The following PPP1R13B variants were observed in gnomAD, a reference collection of about 807,000 sequenced individuals.
The protein encoded by PPP1R13B is apoptosis-stimulating of p53 protein 1.
Under a neutral mutation model 119.8 loss-of-function variants are expected in PPP1R13B, and 44 were observed. The ratio of observed to expected loss-of-function variants is 0.37; its 90% CI spans 0.29 to 0.47. PPP1R13B has a LOEUF of 0.47. Ranked by LOEUF, PPP1R13B falls within the 20% of genes least tolerant of loss-of-function variation. The pLI is 0.99. For missense variants in PPP1R13B, 1,227 were observed against 1,413.5 expected, an observed-to-expected ratio of 0.87 and a Z score of 2.12; for synonymous variants, 542 against 561.5, an observed-to-expected ratio of 0.97 and a Z score of 0.49.
intron 1 of PPP1R13B, among the ~76,000 whole-genome samples, chr14:103,844,857 T>C (rs1317470680): frequency 6.6e-6 from 1 of 152,228 alleles, no homozygotes; most frequent in East Asian, 1.9e-4. Flanking sequence ...TACTGAGCAC[T>C]GGAAATGTGC....
intron 1 of PPP1R13B, among the ~76,000 whole-genome samples, chr14:103,810,154 A>T (rs1311791424): frequency 6.6e-6 from 1 of 151,810 alleles, no homozygotes; most frequent in African/African-American, 2.4e-5. Flanking sequence ...CCAGGCGTGG[A>T]GGCTCATGCC....
intron 8 of PPP1R13B, chr14:103,747,510 G>A (rs1355679844): frequency 6.6e-6 from 1 of 151,292 alleles, no homozygotes; most frequent in African/African-American, 2.4e-5. Flanking sequence ...TTTTCCAGAT[G>A]AGATTAACTT....
chr14:103,763,474 AC>A (rs1280855165), intron 4 of PPP1R13B, among the ~76,000 whole-genome samples: 1 of 151,324 alleles, frequency 6.6e-6, no homozygotes, highest in Non-Finnish European at 1.5e-5. Flanking sequence ...TTTTATTTTA[AC>A]CTTTTCTTCA....
At chr14:103,798,776 C>G (rs536260211) in intron 1 of PPP1R13B, among the ~76,000 whole-genome samples, 1 of 152,026 alleles carries the variant, frequency 6.6e-6, no homozygotes, top group Non-Finnish European at 1.5e-5. Context: ...GATCTCAGCT[C>G]ACTGCAACTT....
At chr14:103,786,829 A>G (rs906551882) in intron 2 of PPP1R13B, among the ~76,000 whole-genome samples, 10 of 149,278 alleles carry the variant, frequency 6.7e-5, no homozygotes, top group African/African-American at 2.2e-4. Flanking sequence ...CCAGCTACTC[A>G]GGAGGCTGAG....
chr14:103,772,867 A>G (rs1347473394), intron 4 of PPP1R13B, among the ~76,000 whole-genome samples: 2 of 152,054 alleles, frequency 1.3e-5, no homozygotes, highest in Non-Finnish European at 2.9e-5. Context: ...GGGTTTCGCC[A>G]TGTTGGCCAG....
intron 1 of PPP1R13B, among the ~76,000 whole-genome samples, chr14:103,818,870 A>C (rs2086338732): frequency 6.6e-6 from 1 of 152,234 alleles, no homozygotes; most frequent in African/African-American, 2.4e-5. Context: ...CAAAAAATAT[A>C]GTATACTAGG....
intron 1 of PPP1R13B, among the ~76,000 whole-genome samples, chr14:103,817,288 G>A (rs1226833571): frequency 6.6e-6 from 1 of 152,002 alleles, no homozygotes; most frequent in Admixed American, 6.6e-5. Context: ...CACCTAATTA[G>A]GTGAGCTCCA....
Position 103,788,085 on chromosome 14 carries a change from C to A in PPP1R13B, c.158-3171G>T, listed in dbSNP as rs1022801626. On this transcript the variant is annotated intron_variant, in intron 2 of 16. Transcript: ENST00000202556. Reference sequence around the variant, plus strand: ...CCATGACTGCACAATGCACTCCAGCCTGGGTGACAGAGCAAGACCCTGTCT... The same window carrying A: ...CCATGACTGCACAATGCACTCCAGCATGGGTGACAGAGCAAGACCCTGTCT... Among the ~76,000 whole-genome samples, 4 of 151,436 alleles carry A rather than the reference C, an allele frequency of 2.6e-5. No individual in the cohort carries two copies. In the East Asian group the frequency reaches 7.8e-4, roughly 30 times the overall value.
Position 103,754,104 on chromosome 14 carries a change from T to C in PPP1R13B, c.597A>G (p.Gln199=). The change falls in exon 6 of 17, where the codon CAA becomes CAG. Residue 199 remains glutamine, a synonymous_variant. Coordinates refer to ENST00000202556, the MANE Select transcript of PPP1R13B (RefSeq NM_015316.3). The part of the protein sequence containing the change: ...KLKKIRAMRG[Q]VDYSKIMNGN... ...CGTTCATGATTTTGCTGTAGTCGAC[T>C]TGTCCTCTCATTGCACGAATTTTCT... is the stretch of plus-strand genomic sequence containing the variant. The C allele has an allele frequency of 6.2e-7, 1 of 1,614,068 alleles. No homozygotes were observed. Among genetic ancestry groups the C allele is most frequent in the Non-Finnish European group, 8.5e-7 (1 of 1,180,008 alleles).
At chr14:103,749,649 T>C (rs1404523212) in intron 8 of PPP1R13B, 145 bp downstream of exon 8, 6 of 840,886 alleles carry the variant, frequency 7.1e-6, no homozygotes, top group African/African-American at 3.5e-5. Context: ...GAAGGAACTC[T>C]GTTCTGTCAT....
At chr14:103,830,135 A>AC (rs1258741009) in intron 1 of PPP1R13B, among the ~76,000 whole-genome samples, 8 of 142,074 alleles carry the variant, frequency 5.6e-5, no homozygotes, top group Admixed American at 5.6e-4. Context: ...CACTCTTGTC[A>AC]CCCAGGCTGG....
chr14:103,738,825 G>A lies in PPP1R13B; in HGVS notation c.2731-13C>T, dbSNP rs1567080690. Reference sequence around the variant, plus strand: ...TGGGATCTTCCACCTAGGACACACGGCCTGTGAGCGCCCATCCCCTCGCCC... The same window carrying A: ...TGGGATCTTCCACCTAGGACACACGACCTGTGAGCGCCCATCCCCTCGCCC... On this transcript the variant is annotated splice_polypyrimidine_tract_variant and intron_variant, in intron 13 of 16. Coordinates refer to ENST00000202556, the MANE Select transcript of PPP1R13B (RefSeq NM_015316.3). This position sits in a 1 kb window ranked among gnomAD's most constrained non-coding sequence, Gnocchi z 5.6. 6.2e-7 allele frequency: 1 copy of A among 1,613,824 alleles called. No individual in the cohort carries two copies. Among genetic ancestry groups the A allele is most frequent in the Non-Finnish European group, 8.5e-7 (1 of 1,179,820 alleles).
At chr14:103,752,695 C>G (rs989994968) in intron 7 of PPP1R13B, among the ~76,000 whole-genome samples, 1 of 152,022 alleles carries the variant, frequency 6.6e-6, no homozygotes, top group Non-Finnish European at 1.5e-5. Context: ...CCACCACGCC[C>G]AGCTAATTTT....
intron 8 of PPP1R13B, among the ~76,000 whole-genome samples, chr14:103,747,580 T>C (rs139104695): frequency 7.9e-5 from 12 of 152,190 alleles, no homozygotes; most frequent in African/African-American, 2.4e-4. Flanking sequence ...CATGAGTAAG[T>C]TATTTAGTGG....
intron 1 of PPP1R13B, among the ~76,000 whole-genome samples, chr14:103,812,837 A>G (rs1424828934): frequency 6.6e-6 from 1 of 152,240 alleles, no homozygotes; most frequent in African/African-American, 2.4e-5. Flanking sequence ...GGGAATTGCA[A>G]ATTATTAATA....
intron 1 of PPP1R13B, among the ~76,000 whole-genome samples, chr14:103,845,589 G>A (rs2087010476): frequency 1.3e-5 from 2 of 152,086 alleles, no homozygotes; most frequent in African/African-American, 2.4e-5. Flanking sequence ...CTCTACTCCC[G>A]TGGAATAGAG....
At chr14:103,815,918 T>C (rs1411492996) in intron 1 of PPP1R13B, among the ~76,000 whole-genome samples, 1 of 150,638 alleles carries the variant, frequency 6.6e-6, no homozygotes, top group Non-Finnish European at 1.5e-5. Context: ...CCCGTCTCTA[T>C]TAAAAATACG....
At chr14:103,764,384 A>T (rs1315659300) in intron 4 of PPP1R13B, 1 of 252,550 alleles carries the variant, frequency 4.0e-6, no homozygotes, top group African/African-American at 2.3e-5. Flanking sequence ...TATGCCTGTT[A>T]GCCACTTGTC....
Sources: gnomAD v4.1 joint callset for allele counts (sites outside exome capture counted in the v4.1 genomes callset) on GRCh38, gnomAD v4.1.1 for gene constraint, Gnocchi (gnomAD v3.1) non-coding constraint, MANE v1.5 for transcripts, NCBI Gene and HGNC (gene_info 2026-07-23, HGNC 2026-07-21) for gene names.